The following SSH2 variants were observed in gnomAD, a reference collection of about 807,000 sequenced individuals.
SSH2 encodes slingshot protein phosphatase 2, also known as protein phosphatase Slingshot homolog 2.
SSH2 carries 37 observed loss-of-function variants against 135.2 expected under a neutral mutation model. The observed-to-expected ratio is 0.27, with a 90% CI of 0.21 to 0.36. The LOEUF (loss-of-function observed/expected upper bound fraction) is 0.36, where lower values mean the gene tolerates loss of function less well. Ranked by LOEUF, SSH2 falls within the 10% of genes least tolerant of loss-of-function variation. The pLI, the probability that SSH2 is intolerant of heterozygous loss-of-function variation, is 1.00. For synonymous variants in SSH2, 628 were observed against 646.2 expected (o/e 0.97, Z 0.43); for missense variants, 1,408 against 1,765.3 (o/e 0.80, Z 3.63).
chr17:29,851,420 G>A (rs865855397), intron 1 of SSH2, among the ~76,000 whole-genome samples: 36 of 151,872 alleles, frequency 2.4e-4, no homozygotes, highest in African/African-American at 8.0e-4. Context: ...GTCAAATCCC[G>A]TCTCTACTAA....
In SSH2 at chr17:29,737,554, G is replaced by A. The variant is rs940665075; in HGVS notation, c.189-34492C>T. ...ATTAACTACAGACAAATAAGGCACA[G>A]TACAAAAGCATGGGATATAAAGTTA... On this transcript the variant is annotated intron_variant, in intron 3 of 15. Coordinates refer to ENST00000540801, the MANE Select transcript of SSH2 (RefSeq NM_001282129.2). Among the ~76,000 whole-genome samples, 3 of 152,174 alleles carry A rather than the reference G, an allele frequency of 2.0e-5. No homozygotes were observed. In the East Asian group the frequency reaches 5.8e-4, roughly 29 times the overall value.
At chr17:29,794,487 A>C (rs1310515265) in intron 2 of SSH2, among the ~76,000 whole-genome samples, 1 of 152,162 alleles carries the variant, frequency 6.6e-6, no homozygotes, top group African/African-American at 2.4e-5. Flanking sequence ...ATAAACCCAG[A>C]AGGTTGATGG....
chr17:29,831,568 T>A (rs868051922), intron 2 of SSH2, among the ~76,000 whole-genome samples: 1 of 151,684 alleles, frequency 6.6e-6, no homozygotes, highest in Non-Finnish European at 1.5e-5. Flanking sequence ...AGAATGCAAC[T>A]GTTTATCTTT....
intron 3 of SSH2, among the ~76,000 whole-genome samples, chr17:29,704,567 G>GT (rs2039120096): frequency 6.6e-6 from 1 of 151,832 alleles, no homozygotes. Flanking sequence ...GCTGGGGGTG[G>GT]TATCACATGC....
At chr17:29,733,349 G>T (rs1240415977) in intron 3 of SSH2, among the ~76,000 whole-genome samples, 1 of 152,240 alleles carries the variant, frequency 6.6e-6, no homozygotes, top group Non-Finnish European at 1.5e-5. Context: ...CTCCTCAACT[G>T]TCAGGGGAAA....
intron 3 of SSH2, among the ~76,000 whole-genome samples, chr17:29,748,677 A>C (rs1349282794): frequency 6.6e-6 from 1 of 152,174 alleles, no homozygotes; most frequent in African/African-American, 2.4e-5. Flanking sequence ...CAAACATGGA[A>C]ATTTAAAAAT....
At chr17:29,797,930 AG>A (rs2042185761) in intron 2 of SSH2, among the ~76,000 whole-genome samples, 1 of 152,012 alleles carries the variant, frequency 6.6e-6, no homozygotes, top group Non-Finnish European at 1.5e-5. Context: ...TCTTTTGTGA[AG>A]TTTTTTTTTG....
intron 2 of SSH2, among the ~76,000 whole-genome samples, chr17:29,804,800 T>A (rs1020046698): frequency 1.3e-5 from 2 of 151,438 alleles, no homozygotes; most frequent in Non-Finnish European, 2.9e-5. Context: ...CCTTCATGAG[T>A]TCACAAGTAG....
At chr17:29,821,782 T>G (rs759602110) in intron 2 of SSH2, among the ~76,000 whole-genome samples, 78 of 152,124 alleles carry the variant, frequency 5.1e-4, no homozygotes, top group Non-Finnish European at 9.9e-4. Flanking sequence ...TAGCTGGGGC[T>G]ACAGGCACAC....
intron 3 of SSH2, among the ~76,000 whole-genome samples, chr17:29,756,251 G>A (rs1342527735): frequency 2.7e-5 from 4 of 148,016 alleles, no homozygotes; most frequent in Admixed American, 6.7e-5. Context: ...CAACAAGAGC[G>A]AGACTCTGTC....
At chr17:29,745,263 G>T (rs1032410577) in intron 3 of SSH2, among the ~76,000 whole-genome samples, 1 of 151,800 alleles carries the variant, frequency 6.6e-6, no homozygotes, top group Non-Finnish European at 1.5e-5. Flanking sequence ...GGGTTCAAGC[G>T]ATTCTCATGC....
At chr17:29,687,895 A>G (rs2038290855) in intron 5 of SSH2, among the ~76,000 whole-genome samples, 1 of 152,214 alleles carries the variant, frequency 6.6e-6, no homozygotes, top group African/African-American at 2.4e-5. Context: ...GTCAAAGCTG[A>G]TAAAAGGAAA....
rs546140229 is a variant in SSH2 at position 29,710,692 on chromosome 17, C to A, written c.189-7630G>T. On this transcript the variant is annotated intron_variant, in intron 3 of 15. Coordinates refer to ENST00000540801, the MANE Select transcript of SSH2 (RefSeq NM_001282129.2). Reference sequence around the variant, plus strand: ...ATAATAAAAAGTTTCAAATATCAGACCAGAGTTCAAGGAATTACACAACTA... The same window carrying A: ...ATAATAAAAAGTTTCAAATATCAGAACAGAGTTCAAGGAATTACACAACTA... 1.2e-3 allele frequency among the ~76,000 whole-genome samples: 182 copies of A among 152,206 alleles called. 1 individual carries two copies. Among genetic ancestry groups the A allele is most frequent in the Non-Finnish European group, 2.0e-3 (137 of 68,018 alleles).
chr17:29,777,813 A>C (rs917842568), intron 3 of SSH2: 1 of 152,034 alleles, frequency 6.6e-6, no homozygotes, highest in African/African-American at 2.4e-5. Flanking sequence ...AAAAAAAAAA[A>C]AACCTGATCT....
At chr17:29,737,935 A>ATTTATTTC (rs2040424702) in intron 3 of SSH2, among the ~76,000 whole-genome samples, 1 of 151,908 alleles carries the variant, frequency 6.6e-6, no homozygotes, top group South Asian at 2.1e-4. Context: ...TTATTTATTT[A>ATTTATTTC]TTTATTTATA....
chr17:29,753,457 G>A (rs1419307025), intron 3 of SSH2, among the ~76,000 whole-genome samples: 1 of 151,904 alleles, frequency 6.6e-6, no homozygotes, highest in South Asian at 2.1e-4. Flanking sequence ...TATTATTGGG[G>A]TTGGTGAAGA....
At chr17:29,659,428 A>C (rs1174214573) in intron 11 of SSH2, among the ~76,000 whole-genome samples, 7 of 152,160 alleles carry the variant, frequency 4.6e-5, no homozygotes, top group Non-Finnish European at 4.4e-5. Flanking sequence ...TTCAATTTGC[A>C]TTTCTCTTAG....
chr17:29,885,466 A>T (rs1599141547), intron 1 of SSH2, among the ~76,000 whole-genome samples: 1 of 151,950 alleles, frequency 6.6e-6, no homozygotes, highest in Non-Finnish European at 1.5e-5. Flanking sequence ...AGTTTTAAGG[A>T]AGTGTCTCTT....
chr17:29,668,790 A>T (rs2037375959), intron 9 of SSH2, among the ~76,000 whole-genome samples: 1 of 152,134 alleles, frequency 6.6e-6, no homozygotes, highest in Non-Finnish European at 1.5e-5. Flanking sequence ...CATGGGTCAG[A>T]TTCCCTAGTT....
Sources: gnomAD v4.1 joint callset for allele counts (sites outside exome capture counted in the v4.1 genomes callset) on GRCh38, gnomAD v4.1.1 for gene constraint, MANE v1.5 for transcripts, NCBI Gene and HGNC (gene_info 2026-07-23, HGNC 2026-07-21) for gene names.